The following TMEM132D variants were observed in gnomAD, a reference collection of about 807,000 sequenced individuals.
TMEM132D encodes transmembrane protein 132D.
A neutral mutation model predicts 62.3 loss-of-function variants in TMEM132D; 21 were observed. The ratio of observed to expected loss-of-function variants is 0.34; its 90% CI spans 0.24 to 0.49. The LOEUF (loss-of-function observed/expected upper bound fraction) is 0.49. Ranked by LOEUF, TMEM132D falls within the 20% of genes least tolerant of loss-of-function variation. The pLI, the probability that TMEM132D is intolerant of heterozygous loss-of-function variation, is 0.99. For missense variants in TMEM132D, 1,346 were observed against 1,402.8 expected (o/e 0.96, Z 0.65); for synonymous variants, 621 against 575.6 (o/e 1.08, Z -1.13).
intron 3 of TMEM132D, among the ~76,000 whole-genome samples, chr12:129,452,130 A>T (rs1873309636): frequency 6.6e-6 from 1 of 152,178 alleles, no homozygotes; most frequent in Non-Finnish European, 1.5e-5. Context: ...ATCATGATAG[A>T]TGATACCTTT....
At chr12:129,885,653 T>C (rs1874729368) in intron 1 of TMEM132D, among the ~76,000 whole-genome samples, 1 of 152,232 alleles carries the variant, frequency 6.6e-6, no homozygotes, top group African/African-American at 2.4e-5. Context: ...TTAAACTCTG[T>C]ACCCACTTGC....
intron 2 of TMEM132D, among the ~76,000 whole-genome samples, chr12:129,596,024 T>C (rs1473795450): frequency 2.6e-5 from 4 of 152,238 alleles, no homozygotes; most frequent in Non-Finnish European, 5.9e-5. Context: ...AACAAAGTCC[T>C]GGCTAGAGTT....
At chr12:129,205,654 C>T (rs936558574) in intron 5 of TMEM132D, among the ~76,000 whole-genome samples, 1 of 152,090 alleles carries the variant, frequency 6.6e-6, no homozygotes, top group African/African-American at 2.4e-5. Context: ...CTCAACACTT[C>T]ACCAAATGAA....
intron 1 of TMEM132D, among the ~76,000 whole-genome samples, chr12:129,884,838 T>C (rs74539934): frequency 0.057 from 8,615 of 152,324 alleles, 328 homozygotes; most frequent in Middle Eastern, 0.11. Flanking sequence ...ATGCTTATAG[T>C]GGTTTCATTC....
In TMEM132D at chr12:129,094,926, G is replaced by A. The variant is rs557997573; in HGVS notation, c.1444-10224C>T. On this transcript the variant is annotated intron_variant, in intron 5 of 8. Transcript: ENST00000422113. The stretch of plus-strand genomic sequence containing the variant: ...AAACCACCATTCTCAGCAAACTATC[G>A]CAAGGACAAAAAACCAAACACCGCA... 2.9e-3 allele frequency among the ~76,000 whole-genome samples: 441 copies of A among 149,528 alleles called. 2 individuals are homozygous for A. The highest frequency in any genetic ancestry group is 9.2e-3 in the African/African-American group (372 of 40,628).
chr12:129,565,244 T>C (rs1247264017), intron 2 of TMEM132D, among the ~76,000 whole-genome samples: 1 of 152,140 alleles, frequency 6.6e-6, no homozygotes, highest in Non-Finnish European at 1.5e-5. Context: ...CCCACAAACC[T>C]GGTTGGGAAC....
At chr12:129,526,176 A>G (rs1876029976) in intron 3 of TMEM132D, among the ~76,000 whole-genome samples, 1 of 152,164 alleles carries the variant, frequency 6.6e-6, no homozygotes, top group South Asian at 2.1e-4. Context: ...GGAGGTAGTG[A>G]GGTACTATGC....
intron 1 of TMEM132D, among the ~76,000 whole-genome samples, chr12:129,813,735 T>C (rs576554776): frequency 1.3e-5 from 2 of 151,478 alleles, no homozygotes; most frequent in South Asian, 2.1e-4. Flanking sequence ...ATACAAGACA[T>C]AGGTATTTGT....
At chr12:129,602,406 C>T (rs983764107) in intron 2 of TMEM132D, among the ~76,000 whole-genome samples, 2 of 151,518 alleles carry the variant, frequency 1.3e-5, no homozygotes, top group African/African-American at 2.4e-5. Flanking sequence ...TGGAATTTCA[C>T]TGGTTTATTT....
chr12:129,694,285 C>T (rs1881142222), intron 2 of TMEM132D, among the ~76,000 whole-genome samples: 1 of 152,086 alleles, frequency 6.6e-6, no homozygotes, highest in Non-Finnish European at 1.5e-5. Flanking sequence ...ACCCATGATC[C>T]CAGTGCAATC....
At chr12:129,510,042 C>T (rs982914395) in intron 3 of TMEM132D, among the ~76,000 whole-genome samples, 1 of 152,168 alleles carries the variant, frequency 6.6e-6, no homozygotes, top group Non-Finnish European at 1.5e-5. Flanking sequence ...TAATGAACCT[C>T]CAAACTATTC....
In TMEM132D at chr12:129,751,892, A is replaced by G. The variant is rs138971029; in HGVS notation, c.80-51194T>C. Among the ~76,000 whole-genome samples the G allele has an allele frequency of 3.0e-3, 461 of 152,310 alleles. 3 individuals carry two copies. Among genetic ancestry groups the G allele is most frequent in the Middle Eastern group, 0.024 (7 of 294 alleles). ...GTACAATCTCACTCCTTGTCCCTGC[A>G]CTATCCTCCCTTAATACTTTCTCTT... On this transcript the variant is annotated intron_variant, in intron 1 of 8. Coordinates refer to ENST00000422113, the MANE Select transcript of TMEM132D (RefSeq NM_133448.3).
intron 4 of TMEM132D, among the ~76,000 whole-genome samples, chr12:129,311,152 C>T (rs1593332460): frequency 1.3e-5 from 1 of 78,240 alleles, no homozygotes; most frequent in East Asian, 6.9e-4. Flanking sequence ...GAGCCGAGAT[C>T]GCGCCACTGC....
In TMEM132D at chr12:129,074,143, C is replaced by G. The variant is rs1276953925; in HGVS notation, c.3032G>C (p.Ser1011Thr). The part of the protein sequence containing the change: ...KYLLSTNSQK[S>T]INGQLFKPLG... Reference sequence around the variant, plus strand: ...AGGTTTGAACAGCTGCCCATTGATGCTTTTTTGGGAGTTTGTGCTGAGGAG... The same window carrying G: ...AGGTTTGAACAGCTGCCCATTGATGGTTTTTTGGGAGTTTGTGCTGAGGAG... The change falls in exon 9 of 9, where the codon AGC (serine) becomes ACC (threonine). Residue 1011 changes from serine (S) to threonine (T), a missense_variant. By Grantham distance (58) the Ser-to-Thr change is moderately conservative (BLOSUM62 1). Coordinates refer to ENST00000422113, the MANE Select transcript of TMEM132D (RefSeq NM_133448.3). The G allele has an allele frequency of 1.2e-6, 2 of 1,614,022 alleles. No individual in the cohort carries two copies.
intron 1 of TMEM132D, among the ~76,000 whole-genome samples, chr12:129,709,400 G>A (rs35017655): frequency 0.056 from 8,473 of 152,232 alleles, 326 homozygotes; most frequent in Middle Eastern, 0.096. Context: ...CTATTTATTA[G>A]AATAGACAAG....
In TMEM132D at chr12:129,726,393, G is replaced by A. The variant is rs562386338; in HGVS notation, c.80-25695C>T. ...TGGCCATGTAAATACTGCAGGAGGT[G>A]CATTTGGATTGGGGGAACAGCAAGA... On this transcript the variant is annotated intron_variant, in intron 1 of 8. Coordinates refer to ENST00000422113, the MANE Select transcript of TMEM132D (RefSeq NM_133448.3). Among the ~76,000 whole-genome samples, 67 of 152,202 alleles carry A rather than the reference G, an allele frequency of 4.4e-4. 1 individual carries two copies. In the South Asian group the frequency reaches 0.013, roughly 30 times the overall value.
chr12:129,265,995 T>C (rs1880681581), intron 4 of TMEM132D, among the ~76,000 whole-genome samples: 1 of 152,162 alleles, frequency 6.6e-6, no homozygotes, highest in South Asian at 2.1e-4. Flanking sequence ...TGGCATGTAG[T>C]AGGTGCCCAA....
At chr12:129,880,456 G>T (rs188188680) in intron 1 of TMEM132D, among the ~76,000 whole-genome samples, 26 of 152,224 alleles carry the variant, frequency 1.7e-4, no homozygotes, top group African/African-American at 4.3e-4. Context: ...AATGTAGGGA[G>T]ATATAAAATC....
At chr12:129,153,966 C>T (rs79158988) in intron 5 of TMEM132D, among the ~76,000 whole-genome samples, 1,802 of 152,272 alleles carry the variant, frequency 0.012, 43 homozygotes, top group African/African-American at 0.041. Flanking sequence ...TTTGTCCATT[C>T]CAGGCAAAAC....
Sources: allele counts gnomAD v4.1 joint callset (sites outside exome capture counted in the v4.1 genomes callset), GRCh38; gene constraint gnomAD v4.1.1; transcripts MANE v1.5; gene names NCBI Gene and HGNC (gene_info 2026-07-23, HGNC 2026-07-21).